The following CHODL variants were observed in gnomAD, a reference collection of about 807,000 sequenced individuals.
The protein encoded by CHODL is transmembrane protein MT75.
In CHODL, 29 loss-of-function variants were observed where a neutral mutation model predicts 34.5. That is an observed-to-expected ratio of 0.84 (90% CI 0.63 to 1.15). The LOEUF is 1.15. CHODL is among the 50% of genes most tolerant of loss of function. The pLI is 0.00. For synonymous variants in CHODL, 125 were observed against 116.1 expected (o/e 1.08, Z -0.49); for missense variants, 332 against 332.5 (o/e 1.00, Z 0.01).
intron 2 of CHODL, among the ~76,000 whole-genome samples, chr21:18,145,253 G>A (rs1339572852): frequency 0.031 from 1 of 32 alleles, no homozygotes; most frequent in African/African-American, 0.17. Context: ...TGGCTAACAA[G>A]GTGAAACCCC....
intron 2 of CHODL, among the ~76,000 whole-genome samples, chr21:18,194,530 A>G (rs2073558427): frequency 6.6e-6 from 1 of 152,078 alleles, no homozygotes; most frequent in African/African-American, 2.4e-5. Flanking sequence ...TTGTGTTTCA[A>G]GTCATCTCTT....
At chr21:18,095,445 A>T (rs2065128728) in intron 2 of CHODL, among the ~76,000 whole-genome samples, 2 of 152,184 alleles carry the variant, frequency 1.3e-5, no homozygotes, top group African/African-American at 4.8e-5. Flanking sequence ...TAACCTATTA[A>T]GATTGAACCA....
intron 2 of CHODL, among the ~76,000 whole-genome samples, chr21:18,198,410 T>C (rs902709709): frequency 5.9e-5 from 9 of 152,200 alleles, no homozygotes; most frequent in Admixed American, 5.2e-4. Flanking sequence ...TAAAGTTTTA[T>C]TGTAAAACAG....
At chr21:17,983,991 A>G (rs1013049901) in intron 1 of CHODL, among the ~76,000 whole-genome samples, 2 of 152,150 alleles carry the variant, frequency 1.3e-5, no homozygotes, top group South Asian at 2.1e-4. Context: ...CTGGATTGTT[A>G]ACTGTGGGTA....
intron 1 of CHODL, among the ~76,000 whole-genome samples, chr21:17,970,307 T>A (rs755980644): frequency 9.9e-5 from 15 of 152,194 alleles, no homozygotes; most frequent in Non-Finnish European, 1.8e-4. Flanking sequence ...TTTTAATTTT[T>A]ATCTTTCTGT....
intron 2 of CHODL, among the ~76,000 whole-genome samples, chr21:18,126,394 A>C (rs774952792): frequency 6.6e-6 from 1 of 152,244 alleles, no homozygotes; most frequent in Non-Finnish European, 1.5e-5. Context: ...TTTTATATAC[A>C]CTGGGAAAAC....
intron 2 of CHODL, among the ~76,000 whole-genome samples, chr21:18,217,080 T>C (rs889203852): frequency 6.6e-6 from 1 of 152,204 alleles, no homozygotes; most frequent in Non-Finnish European, 1.5e-5. Context: ...GTTCCATATC[T>C]TGGCTTTTGT....
At chr21:17,932,592 G>A (rs765066952) in intron 1 of CHODL, among the ~76,000 whole-genome samples, 1 of 50,822 alleles carries the variant, frequency 2.0e-5, no homozygotes, top group Admixed American at 2.6e-4. Context: ...TAAAGAAAAC[G>A]TGGTATATAT....
chr21:18,123,920 C>A (rs987569458), intron 2 of CHODL, among the ~76,000 whole-genome samples: 1 of 152,108 alleles, frequency 6.6e-6, no homozygotes, highest in African/African-American at 2.4e-5. Flanking sequence ...CGGTGGCTCA[C>A]GCCTGTAATC....
chr21:17,921,314 A>G (rs889430926), intron 1 of CHODL, among the ~76,000 whole-genome samples: 3 of 152,146 alleles, frequency 2.0e-5, no homozygotes, highest in Non-Finnish European at 2.9e-5. Flanking sequence ...ATGGAGGGCA[A>G]TCTTCTTTAT....
intron 2 of CHODL, among the ~76,000 whole-genome samples, chr21:18,037,911 A>G (rs1161137353): frequency 6.6e-6 from 1 of 151,760 alleles, no homozygotes; most frequent in Non-Finnish European, 1.5e-5. Flanking sequence ...ATTGTTTTTG[A>G]TAAGAAAACT....
intron 2 of CHODL, among the ~76,000 whole-genome samples, chr21:18,096,876 C>A (rs946931875): frequency 2.0e-5 from 3 of 152,084 alleles, no homozygotes; most frequent in African/African-American, 7.2e-5. Context: ...TTTGCAGCTC[C>A]AGGTGGTCCT....
chr21:18,048,219 C>T (rs1311253953), intron 2 of CHODL, among the ~76,000 whole-genome samples: 3 of 151,730 alleles, frequency 2.0e-5, no homozygotes, highest in South Asian at 2.1e-4. Context: ...AAAATGATGG[C>T]GTTCTCATTT....
At position 18,245,076 on chromosome 21, in the gene CHODL, CG is replaced by C. The variant is rs2074121126; in HGVS notation, c.-147del. 2 of 613,178 alleles carry C rather than the reference CG, an allele frequency of 3.3e-6. No individual in the cohort carries two copies. Among genetic ancestry groups the C allele is most frequent in the East Asian group, 7.1e-5 (2 of 28,350 alleles). 38.0% of individuals were successfully genotyped at this position (613,178 alleles called of 1,614,324 possible). ...CGGCAGGTCCCGGCCGAAGGCGATG[CG>C]CGCAGGGGGTCGGGCAGCTGGGCTC... On this transcript the variant is annotated 5_prime_UTR_variant, in exon 1 of 6. It removes the in-frame stop codon of an upstream open reading frame in the 5' UTR. Coordinates refer to ENST00000299295, the MANE Select transcript of CHODL (RefSeq NM_024944.3).
intron 1 of CHODL, among the ~76,000 whole-genome samples, chr21:17,924,760 T>C (rs985094643): frequency 4.6e-5 from 7 of 152,176 alleles, no homozygotes; most frequent in Non-Finnish European, 8.8e-5. Flanking sequence ...AGGGTAGAAA[T>C]TAATAAGTCT....
At chr21:18,001,561 CAT>C (rs562287489) in intron 1 of CHODL, among the ~76,000 whole-genome samples, 322 of 152,328 alleles carry the variant, frequency 2.1e-3, no homozygotes, top group Non-Finnish European at 3.2e-3. Flanking sequence ...TGAATAGACA[CAT>C]GTTTCTGCTG....
intron 2 of CHODL, among the ~76,000 whole-genome samples, chr21:18,102,993 G>A (rs980397604): frequency 2.0e-5 from 3 of 152,174 alleles, no homozygotes; most frequent in Non-Finnish European, 4.4e-5. Flanking sequence ...ACCAAAGATA[G>A]ATTATTTTGT....
At chr21:17,932,132 TAAA>T (rs1444396986) in intron 1 of CHODL, among the ~76,000 whole-genome samples, 3 of 151,730 alleles carry the variant, frequency 2.0e-5, no homozygotes, top group African/African-American at 4.8e-5. Flanking sequence ...ACAACCATAT[TAAA>T]AAGTGGGTAA....
intron 2 of CHODL, among the ~76,000 whole-genome samples, chr21:18,239,087 C>G (rs1052438310): frequency 1.3e-5 from 2 of 152,098 alleles, no homozygotes; most frequent in Non-Finnish European, 2.9e-5. Context: ...TGTAAAGGAT[C>G]AAGCAATAGA....
Sources: allele counts gnomAD v4.1 joint callset (sites outside exome capture counted in the v4.1 genomes callset), GRCh38; gene constraint gnomAD v4.1.1; transcripts MANE v1.5; gene names NCBI Gene and HGNC (gene_info 2026-07-23, HGNC 2026-07-21).